MCTP2: variants seen among roughly 807,000 people sequenced by gnomAD.
MCTP2 encodes multiple C2 and transmembrane domain containing 2, also known as multiple C2 and transmembrane domain-containing protein 2.
A neutral mutation model predicts 111.6 loss-of-function variants in MCTP2; 132 were observed. The ratio of observed to expected loss-of-function variants is 1.18; its 90% CI spans 1.03 to 1.37. The LOEUF is 1.37. Among genes scored for constraint, MCTP2 ranks in the 40% most tolerant of loss-of-function variants. The pLI, the probability that MCTP2 is intolerant of heterozygous loss-of-function variation, is 0.00. For missense variants in MCTP2, 1,183 were observed against 1,067.9 expected (o/e 1.11, Z -1.50); for synonymous variants, 395 against 387.7 (o/e 1.02, Z -0.22).
intron 1 of MCTP2, among the ~76,000 whole-genome samples, chr15:94,267,104 T>C (rs1187433023): frequency 6.6e-6 from 1 of 152,204 alleles, no homozygotes; most frequent in Non-Finnish European, 1.5e-5. Context: ...AAATCTATCC[T>C]TGTTAGGTAG....
intron 1 of MCTP2, among the ~76,000 whole-genome samples, chr15:94,241,546 G>T (rs1391251870): frequency 6.6e-6 from 1 of 152,118 alleles, no homozygotes; most frequent in Non-Finnish European, 1.5e-5. Flanking sequence ...GACTGACTTA[G>T]TACTTACAAG....
At chr15:94,320,673 C>T (rs1168275449) in intron 4 of MCTP2, among the ~76,000 whole-genome samples, 1 of 152,176 alleles carries the variant, frequency 6.6e-6, no homozygotes, top group African/African-American at 2.4e-5. Flanking sequence ...ATGGGCACTA[C>T]ACTGGTGTTC....
chr15:94,302,135 A>G (rs1265771673), intron 2 of MCTP2, among the ~76,000 whole-genome samples: 2 of 152,114 alleles, frequency 1.3e-5, no homozygotes, highest in African/African-American at 4.8e-5. Context: ...GGCCTGAGGG[A>G]TCCCTAGGGG....
chr15:94,352,230 A>G (rs1334437176), intron 8 of MCTP2, among the ~76,000 whole-genome samples: 1 of 152,224 alleles, frequency 6.6e-6, no homozygotes, highest in Non-Finnish European at 1.5e-5. Flanking sequence ...CCCACCGCAA[A>G]GTTTCTCCCC....
chr15:94,407,969 A>G (rs142701472), intron 17 of MCTP2, among the ~76,000 whole-genome samples: 3 of 152,328 alleles, frequency 2.0e-5, no homozygotes, highest in Non-Finnish European at 4.4e-5. Flanking sequence ...ATTCAGATTC[A>G]TTTTGCTTTG....
At chr15:94,267,816 T>C (rs2073634601) in intron 1 of MCTP2, among the ~76,000 whole-genome samples, 1 of 151,426 alleles carries the variant, frequency 6.6e-6, no homozygotes, top group African/African-American at 2.4e-5. Flanking sequence ...TAGGAGGCAG[T>C]TGGTTTAGTT....
At chr15:94,261,151 A>G (rs1348222350) in intron 1 of MCTP2, among the ~76,000 whole-genome samples, 2 of 152,124 alleles carry the variant, frequency 1.3e-5, no homozygotes, top group Non-Finnish European at 2.9e-5. Context: ...ACCTTTCTGG[A>G]CCAAACCAAT....
intron 1 of MCTP2, among the ~76,000 whole-genome samples, chr15:94,251,560 TGTCA>T (rs767446330): frequency 1.3e-5 from 2 of 152,022 alleles, no homozygotes; most frequent in Non-Finnish European, 2.9e-5. Flanking sequence ...GGTTTCTCCA[TGTCA>T]GTCAGGCTGG....
At chr15:94,285,620 T>G (rs927482876) in intron 1 of MCTP2, among the ~76,000 whole-genome samples, 6 of 152,220 alleles carry the variant, frequency 3.9e-5, no homozygotes, top group Admixed American at 1.3e-4. Context: ...ATAGTAACTG[T>G]AAATATCTCA....
At chr15:94,361,084 GTTTTTTTTTTTTTTTTTTT>G (rs67774490) in intron 10 of MCTP2, among the ~76,000 whole-genome samples, 1 of 8,402 alleles carries the variant, frequency 1.2e-4, no homozygotes, top group African/African-American at 3.1e-4. Context: ...AATATTTCAA[GTTTTTTTTTTTTTTTTTTT>G]TTTTTTTTTT....
intron 10 of MCTP2, among the ~76,000 whole-genome samples, chr15:94,363,293 C>T (rs2079032226): frequency 6.6e-6 from 1 of 152,078 alleles, no homozygotes; most frequent in Admixed American, 6.5e-5. Context: ...CACTGATGAG[C>T]CTCGGGCTAC....
intron 22 of MCTP2, among the ~76,000 whole-genome samples, chr15:94,477,065 T>TTGCTGTGTGGCTACTGGGCACTGA (rs2074426747): frequency 6.6e-6 from 1 of 152,194 alleles, no homozygotes; most frequent in Non-Finnish European, 1.5e-5. Context: ...CCCCTTTCGA[T>TTGCTGTGTGGCTACTGGGCACTGA]TGCTTGCCTC....
At chr15:94,445,715 T>C (rs1386139625) in intron 19 of MCTP2, among the ~76,000 whole-genome samples, 1 of 152,216 alleles carries the variant, frequency 6.6e-6, no homozygotes, top group Non-Finnish European at 1.5e-5. Context: ...TTCTGGCTTC[T>C]GTTGTGTGTT....
At chr15:94,245,441 C>CATATATGTATATGTATTTATAT (rs1567265457) in intron 1 of MCTP2, among the ~76,000 whole-genome samples, 1 of 130,664 alleles carries the variant, frequency 7.7e-6, no homozygotes, top group Non-Finnish European at 1.6e-5. Flanking sequence ...TTTATATATA[C>CATATATGTATATGTATTTATAT]ACATATATGT....
Position 94,479,161 on chromosome 15 carries a change from C to A in MCTP2, c.*127C>A. The A allele has an allele frequency of 1.2e-6, 1 of 823,642 alleles. No homozygotes were observed. The allele number at this position is 823,642 out of a possible 1,614,324, so 51.0% of individuals were successfully genotyped here. On this transcript the variant is annotated 3_prime_UTR_variant, in exon 23 of 23. Transcript: ENST00000357742. ...CATGCCCTGTGGCACCCTCTGTATA[C>A]TTCCTCCTCCTTCACGTGCACAGAC...
intron 14 of MCTP2, among the ~76,000 whole-genome samples, chr15:94,391,374 G>T (rs28499006): frequency 0.011 from 1,640 of 152,044 alleles, 26 homozygotes; most frequent in African/African-American, 0.038. Context: ...AGAAATTTTT[G>T]CCCATTAAAG....
intron 4 of MCTP2, among the ~76,000 whole-genome samples, chr15:94,333,355 G>A (rs2077214038): frequency 6.6e-6 from 1 of 151,926 alleles, no homozygotes; most frequent in African/African-American, 2.4e-5. Context: ...TAAATTTGAA[G>A]TACATATCAG....
chr15:94,400,462 G>A (rs532388402), intron 16 of MCTP2, among the ~76,000 whole-genome samples: 3 of 152,122 alleles, frequency 2.0e-5, no homozygotes, highest in African/African-American at 4.8e-5. Flanking sequence ...CTACCACTTC[G>A]GCGTGGTCTA....
At chr15:94,344,278 T>C (rs1305925356) in intron 7 of MCTP2, among the ~76,000 whole-genome samples, 1 of 152,196 alleles carries the variant, frequency 6.6e-6, no homozygotes, top group Non-Finnish European at 1.5e-5. Flanking sequence ...TTCTAATGTA[T>C]TGGGAAGACA....
Sources: gnomAD v4.1 joint callset for allele counts (sites outside exome capture counted in the v4.1 genomes callset) on GRCh38, gnomAD v4.1.1 for gene constraint, MANE v1.5 for transcripts, NCBI Gene and HGNC (gene_info 2026-07-23, HGNC 2026-07-21) for gene names.